The following PTPRM variants were observed in gnomAD, a reference collection of about 807,000 sequenced individuals.
The protein encoded by PTPRM is receptor-type tyrosine-protein phosphatase mu.
In PTPRM, 47 loss-of-function variants were observed where a neutral mutation model predicts 186.7. That is an observed-to-expected ratio of 0.25 (90% CI 0.20 to 0.32). The LOEUF is 0.32. Ranked by LOEUF, PTPRM falls within the 10% of genes least tolerant of loss-of-function variation. The pLI is 1.00. For synonymous variants in PTPRM, 668 were observed against 674.9 expected, an observed-to-expected ratio of 0.99 and a Z score of 0.16; for missense variants, 1,494 against 1,865.0, an observed-to-expected ratio of 0.80 and a Z score of 3.66.
At chr18:8,030,822 T>A (rs1177558470) in intron 7 of PTPRM, among the ~76,000 whole-genome samples, 1 of 152,214 alleles carries the variant, frequency 6.6e-6, no homozygotes, top group East Asian at 1.9e-4. Context: ...TTATTAAACT[T>A]TTGAAAGATT....
chr18:8,144,364 C>T (rs962378360), intron 14 of PTPRM, among the ~76,000 whole-genome samples: 13 of 152,246 alleles, frequency 8.5e-5, no homozygotes, highest in African/African-American at 2.4e-4. Context: ...CTGTAATCCC[C>T]GCATTTTGGG....
intron 1 of PTPRM, among the ~76,000 whole-genome samples, chr18:7,649,650 G>A (rs151021954): frequency 6.6e-5 from 10 of 152,186 alleles, no homozygotes; most frequent in Non-Finnish European, 1.2e-4. Context: ...GTAGTTACCC[G>A]GGAGGCGGAT....
chr18:7,962,526 G>A (rs868147242), intron 7 of PTPRM, among the ~76,000 whole-genome samples: 1 of 152,020 alleles, frequency 6.6e-6, no homozygotes, highest in African/African-American at 2.4e-5. Context: ...ATATTAATTC[G>A]CTGTGTTTGC....
intron 1 of PTPRM, among the ~76,000 whole-genome samples, chr18:7,678,801 T>C (rs2039410088): frequency 6.6e-6 from 1 of 152,236 alleles, no homozygotes; most frequent in Non-Finnish European, 1.5e-5. Context: ...ATATCTGACT[T>C]ATGCAGTCGT....
intron 1 of PTPRM, among the ~76,000 whole-genome samples, chr18:7,713,789 A>G (rs2040263241): frequency 6.6e-6 from 1 of 152,170 alleles, no homozygotes; most frequent in South Asian, 2.1e-4. Context: ...AGGGCATTAC[A>G]TAATGGTAAA....
intron 1 of PTPRM, among the ~76,000 whole-genome samples, chr18:7,576,379 A>G (rs1167941151): frequency 4.6e-5 from 7 of 152,156 alleles, no homozygotes; most frequent in African/African-American, 1.4e-4. Context: ...CCTGGCTTCT[A>G]GCTATGGAAT....
intron 2 of PTPRM, among the ~76,000 whole-genome samples, chr18:7,843,390 C>T (rs2046444774): frequency 6.6e-6 from 1 of 152,158 alleles, no homozygotes; most frequent in Admixed American, 6.5e-5. Context: ...CAGGGGACCA[C>T]AGGCATTTCT....
intron 23 of PTPRM, among the ~76,000 whole-genome samples, chr18:8,365,147 T>C (rs561374147): frequency 6.6e-6 from 1 of 152,278 alleles, no homozygotes; most frequent in East Asian, 1.9e-4. Flanking sequence ...CTGGTAAGAC[T>C]GAGGAAAGCG....
intron 1 of PTPRM, among the ~76,000 whole-genome samples, chr18:7,570,492 CTATTT>C (rs1402760109): frequency 6.6e-6 from 1 of 152,210 alleles, no homozygotes; most frequent in African/African-American, 2.4e-5. Context: ...GGCATTATTA[CTATTT>C]GTTGAATAAA....
At chr18:8,136,164 A>G (rs546425244) in intron 13 of PTPRM, among the ~76,000 whole-genome samples, 1 of 152,352 alleles carries the variant, frequency 6.6e-6, no homozygotes, top group South Asian at 2.1e-4. Flanking sequence ...ATCACCTTCA[A>G]GAATCATCTG....
chr18:8,368,798 T>C (rs550967232), intron 23 of PTPRM, among the ~76,000 whole-genome samples: 68 of 152,314 alleles, frequency 4.5e-4, no homozygotes, highest in African/African-American at 1.6e-3. Context: ...TAAAATTCAG[T>C]TTTATATGTA....
At chr18:7,636,152 G>A (rs1461710670) in intron 1 of PTPRM, among the ~76,000 whole-genome samples, 1 of 151,778 alleles carries the variant, frequency 6.6e-6, no homozygotes, top group African/African-American at 2.4e-5. Flanking sequence ...TCTGGGAGCT[G>A]GCAGCCAGCC....
chr18:7,903,590 C>A (rs943773289), intron 3 of PTPRM, among the ~76,000 whole-genome samples: 1 of 152,176 alleles, frequency 6.6e-6, no homozygotes, highest in Non-Finnish European at 1.5e-5. Context: ...TAGCAGGGTC[C>A]CATTGCAGGA....
At chr18:8,219,048 T>A (rs933636727) in intron 14 of PTPRM, among the ~76,000 whole-genome samples, 11 of 152,340 alleles carry the variant, frequency 7.2e-5, no homozygotes, top group African/African-American at 2.6e-4. Context: ...TCCCCTTGCT[T>A]CCAGTGAAGG....
At chr18:7,978,998 G>T (rs189953984) in intron 7 of PTPRM, among the ~76,000 whole-genome samples, 1 of 152,090 alleles carries the variant, frequency 6.6e-6, no homozygotes, top group Admixed American at 6.5e-5. Context: ...CCATAGGCCC[G>T]TGGCAAAGAA....
intron 1 of PTPRM, among the ~76,000 whole-genome samples, chr18:7,687,689 A>C (rs148176075): frequency 6.6e-6 from 1 of 152,098 alleles, no homozygotes; most frequent in African/African-American, 2.4e-5. Context: ...ACCGTACCTC[A>C]TATTTTATGG....
intron 1 of PTPRM, among the ~76,000 whole-genome samples, chr18:7,691,882 A>T: frequency 7.0e-6 from 1 of 143,712 alleles, no homozygotes; most frequent in East Asian, 2.1e-4. Context: ...AGGTGGGAGG[A>T]TGGCTAGATC....
chr18:8,275,898 C>G (rs1207829601), intron 19 of PTPRM, among the ~76,000 whole-genome samples: 1 of 152,140 alleles, frequency 6.6e-6, no homozygotes, highest in East Asian at 1.9e-4. Flanking sequence ...TAGAAACTCA[C>G]AGTACTTAAA....
At chr18:7,654,381 T>A (rs140985684) in intron 1 of PTPRM, among the ~76,000 whole-genome samples, 15 of 152,192 alleles carry the variant, frequency 9.9e-5, no homozygotes, top group African/African-American at 3.6e-4. Flanking sequence ...GCGATGACCT[T>A]GAGTAGCAGG....
Sources: allele counts gnomAD v4.1 joint callset (sites outside exome capture counted in the v4.1 genomes callset), GRCh38; gene constraint gnomAD v4.1.1; transcripts MANE v1.5; gene names NCBI Gene and HGNC (gene_info 2026-07-23, HGNC 2026-07-21).